Variants in VEPH1 observed in about 807,000 individuals in gnomAD.
VEPH1 encodes ventricular zone expressed PH domain containing 1.
In VEPH1, 80 loss-of-function variants were observed where a neutral mutation model predicts 85.2. The observed-to-expected ratio is 0.94, with a 90% CI of 0.78 to 1.13. The LOEUF (loss-of-function observed/expected upper bound fraction) is 1.13. Ranked by LOEUF, VEPH1 falls within the 50% of genes most tolerant of loss-of-function variation. The probability of loss-of-function intolerance (pLI) is 0.00; values close to 1 mark genes in which losing one functional copy is unlikely to be tolerated. For missense variants in VEPH1, 955 were observed against 980.5 expected (o/e 0.97, Z 0.35); for synonymous variants, 297 against 348.0 (o/e 0.85, Z 1.63).
chr3:157,434,663 A>G (rs1733415320), intron 4 of VEPH1, among the ~76,000 whole-genome samples: 1 of 152,164 alleles, frequency 6.6e-6, no homozygotes, highest in African/African-American at 2.4e-5. Flanking sequence ...AATGTGTTTC[A>G]TTAATATTTA....
At chr3:157,269,254 G>A (rs929822577) in intron 12 of VEPH1, among the ~76,000 whole-genome samples, 1 of 152,188 alleles carries the variant, frequency 6.6e-6, no homozygotes, top group Non-Finnish European at 1.5e-5. Flanking sequence ...AATTGTTGGA[G>A]TCCTTAAAGA....
At chr3:157,277,907 T>G (rs1715604654) in intron 12 of VEPH1, among the ~76,000 whole-genome samples, 3 of 152,154 alleles carry the variant, frequency 2.0e-5, no homozygotes, top group Non-Finnish European at 4.4e-5. Context: ...TCTTGTAAAA[T>G]GAGTCATTGT....
chr3:157,481,493 TA>T (rs1738092113), intron 2 of VEPH1, among the ~76,000 whole-genome samples: 1 of 87,074 alleles, frequency 1.1e-5, no homozygotes, highest in Admixed American at 1.1e-4. Flanking sequence ...AAAACAATCC[TA>T]AGCAAAAAGA....
chr3:157,278,625 T>C (rs1715699532), intron 12 of VEPH1, among the ~76,000 whole-genome samples: 1 of 152,132 alleles, frequency 6.6e-6, no homozygotes, highest in Non-Finnish European at 1.5e-5. Flanking sequence ...AGTAGTTCAG[T>C]GAGGAGGCTA....
rs76669834 is a variant in VEPH1 at position 157,331,407 on chromosome 3, G to A, written c.1736-14206C>T. ...ATACAACACTTCTTACCCCCATTGC[G>A]TATGCCTATGATATTCTTTACTTCT... is the stretch of plus-strand genomic sequence containing the variant. On this transcript the variant is annotated intron_variant, in intron 9 of 13. Coordinates refer to ENST00000362010, the MANE Select transcript of VEPH1 (RefSeq NM_001167912.2). 7.6e-4 allele frequency among the ~76,000 whole-genome samples: 115 copies of A among 152,276 alleles called. No homozygotes were observed. In the East Asian group the frequency reaches 0.012, roughly 15 times the overall value.
intron 9 of VEPH1, among the ~76,000 whole-genome samples, chr3:157,323,954 T>C (rs1347740137): frequency 1.3e-5 from 2 of 152,226 alleles, no homozygotes; most frequent in South Asian, 4.1e-4. Flanking sequence ...CATATACTTC[T>C]GTATTATTTT....
chr3:157,380,373 G>A (rs1728627761), intron 7 of VEPH1, among the ~76,000 whole-genome samples: 2 of 152,196 alleles, frequency 1.3e-5, no homozygotes, highest in African/African-American at 4.8e-5. Flanking sequence ...ACTGCTTAGA[G>A]GGTAAAACTG....
chr3:157,409,469 A>G (rs1731376078), intron 6 of VEPH1, among the ~76,000 whole-genome samples: 1 of 152,144 alleles, frequency 6.6e-6, no homozygotes, highest in Non-Finnish European at 1.5e-5. Context: ...TGAGTCATTC[A>G]TGGCCTCCAC....
At chr3:157,313,913 T>TG (rs1720421372) in intron 10 of VEPH1, among the ~76,000 whole-genome samples, 158 bp from the exon 11 acceptor site, 1 of 152,114 alleles carries the variant, frequency 6.6e-6, no homozygotes, top group Non-Finnish European at 1.5e-5. Flanking sequence ...ATCGAACATA[T>TG]GGGGTTGGGC....
At chr3:157,370,971 C>T (rs569157794) in intron 7 of VEPH1, among the ~76,000 whole-genome samples, 1 of 152,280 alleles carries the variant, frequency 6.6e-6, no homozygotes, top group South Asian at 2.1e-4. Flanking sequence ...TTGCTGAAAG[C>T]ATTGTATAAG....
intron 11 of VEPH1, among the ~76,000 whole-genome samples, chr3:157,312,720 T>C (rs1368042523): frequency 1.3e-5 from 2 of 152,112 alleles, no homozygotes; most frequent in African/African-American, 4.8e-5. Context: ...TCCTATAACT[T>C]CTAACTTTAG....
At chr3:157,369,302 G>A (rs1043754564) in intron 7 of VEPH1, among the ~76,000 whole-genome samples, 1 of 150,980 alleles carries the variant, frequency 6.6e-6, no homozygotes, top group African/African-American at 2.4e-5. Flanking sequence ...AACATGAAAT[G>A]TGGAGAGAAG....
intron 4 of VEPH1, among the ~76,000 whole-genome samples, chr3:157,439,198 G>T (rs1201162032): frequency 1.3e-5 from 2 of 152,082 alleles, no homozygotes; most frequent in African/African-American, 4.8e-5. Context: ...CTTGTGTTTC[G>T]CAAACCACGT....
At chr3:157,304,023 T>TATATATATG (rs1553761055) in intron 11 of VEPH1, among the ~76,000 whole-genome samples, 1 of 89,134 alleles carries the variant, frequency 1.1e-5, no homozygotes, top group Admixed American at 1.3e-4. Context: ...CTTATATTTT[T>TATATATATG]TATATATATA....
At chr3:157,440,657 T>TAA (rs1298586571) in intron 4 of VEPH1, among the ~76,000 whole-genome samples, 1 of 152,052 alleles carries the variant, frequency 6.6e-6, no homozygotes, top group African/African-American at 2.4e-5. Flanking sequence ...CATATGTATA[T>TAA]ATGTGTGTAT....
At chr3:157,326,716 A>T (rs958160175) in intron 9 of VEPH1, among the ~76,000 whole-genome samples, 3 of 152,206 alleles carry the variant, frequency 2.0e-5, no homozygotes, top group African/African-American at 7.2e-5. Flanking sequence ...GTGGGTCCTG[A>T]CTTCCCTCAC....
At position 157,503,336 on chromosome 3, in the gene VEPH1, G is replaced by A. The variant is rs1740257426; in HGVS notation, c.-217C>T. 6.6e-6 allele frequency: 1 copy of A among 152,222 alleles called. No homozygotes were observed. Among genetic ancestry groups the A allele is most frequent in the Non-Finnish European group, 1.5e-5 (1 of 68,060 alleles). 9.4% of individuals were successfully genotyped at this position (152,222 alleles called of 1,614,324 possible). A position where few individuals can be genotyped will look rare whatever the true frequency, so the allele number is the denominator to read the frequency against. The stretch of plus-strand genomic sequence containing the variant: ...GAAGGCAAAATCCTTGATCTTTAGA[G>A]CACTGCAGCTGGGACCCATGACCAT... On this transcript the variant is annotated 5_prime_UTR_variant, in exon 1 of 14. Transcript: ENST00000362010.
Position 157,260,972 on chromosome 3 carries a change from T to C in VEPH1, c.*162A>G. 1.1e-6 allele frequency: 1 copy of C among 925,744 alleles called. No individual in the cohort carries two copies. 57.3% of individuals were successfully genotyped at this position (925,744 alleles called of 1,614,324 possible). Reference sequence around the variant, plus strand: ...AAAGCTGTTAGAGTATGACATTTACTAAGAATCCTGCCATTTTAGGCCCTT... The same window carrying C: ...AAAGCTGTTAGAGTATGACATTTACCAAGAATCCTGCCATTTTAGGCCCTT... On this transcript the variant is annotated 3_prime_UTR_variant, in exon 14 of 14. Transcript: ENST00000362010.
rs536615822 is a variant in VEPH1 at position 157,280,150 on chromosome 3, G to A, written c.2128+6407C>T. ...AAAAAGGATTACTCTGCAATATGATGGCTAGAGCTCTTTTAAAATATACTA... is the reference window on the plus strand; with the variant it reads ...AAAAAGGATTACTCTGCAATATGATAGCTAGAGCTCTTTTAAAATATACTA... On this transcript the variant is annotated intron_variant, in intron 12 of 13. Transcript: ENST00000362010. Among the ~76,000 whole-genome samples, 4 of 151,992 alleles carry A rather than the reference G, an allele frequency of 2.6e-5. No homozygotes were observed. The South Asian group carries it at 8.3e-4, about 32-fold the overall frequency.
Sources: gnomAD v4.1 joint callset for allele counts (sites outside exome capture counted in the v4.1 genomes callset) on GRCh38, gnomAD v4.1.1 for gene constraint, MANE v1.5 for transcripts, NCBI Gene and HGNC (gene_info 2026-07-23, HGNC 2026-07-21) for gene names.